GAS7: variants seen among roughly 807,000 people sequenced by gnomAD.
The protein encoded by GAS7 is growth arrest specific 7.
Under a neutral mutation model 71.1 loss-of-function variants are expected in GAS7, and 28 were observed. The observed-to-expected ratio is 0.39, with a 90% CI of 0.29 to 0.54. The LOEUF (loss-of-function observed/expected upper bound fraction) is 0.54, where lower values mean the gene tolerates loss of function less well. GAS7 is among the 20% of genes least tolerant of loss of function. The pLI, the probability that GAS7 is intolerant of heterozygous loss-of-function variation, is 0.62. For synonymous variants in GAS7, 258 were observed against 245.8 expected (o/e 1.05, Z -0.46); for missense variants, 436 against 627.8 (o/e 0.69, Z 3.27).
intron 1 of GAS7, among the ~76,000 whole-genome samples, chr17:10,023,758 C>A (rs1052134712): frequency 7.2e-5 from 11 of 152,240 alleles, no homozygotes; most frequent in Admixed American, 6.5e-4. Flanking sequence ...GTAATGGTTG[C>A]ACAATATCAT....
intron 1 of GAS7, among the ~76,000 whole-genome samples, chr17:10,040,144 T>C (rs1190260978): frequency 6.6e-6 from 1 of 152,132 alleles, no homozygotes; most frequent in Admixed American, 6.5e-5. Flanking sequence ...AAAAGGAAAA[T>C]TCTATGATCG....
chr17:10,047,341 A>G (rs2072992045), intron 1 of GAS7, among the ~76,000 whole-genome samples: 1 of 152,212 alleles, frequency 6.6e-6, no homozygotes, highest in Admixed American at 6.5e-5. Context: ...GCAAAGGCCA[A>G]TTCGAAAACA....
intron 1 of GAS7, among the ~76,000 whole-genome samples, chr17:10,139,803 G>A (rs534308459): frequency 2.6e-4 from 39 of 152,332 alleles, no homozygotes; most frequent in Non-Finnish European, 5.6e-4. Context: ...ACACATTGTT[G>A]CTGATCTGCT....
At chr17:10,128,628 T>A (rs1467675785) in intron 1 of GAS7, among the ~76,000 whole-genome samples, 1 of 151,294 alleles carries the variant, frequency 6.6e-6, no homozygotes, top group Non-Finnish European at 1.5e-5. Context: ...CTTTTTCTTT[T>A]CTCTTTTTTT....
chr17:9,947,401 TAGACATCTA>T (rs2068828132), intron 5 of GAS7, among the ~76,000 whole-genome samples: 1 of 152,132 alleles, frequency 6.6e-6, no homozygotes, highest in Non-Finnish European at 1.5e-5. Flanking sequence ...AAGTATGAGA[TAGACATCTA>T]TGGAAATCAG....
At chr17:10,036,507 A>G (rs2072755519) in intron 1 of GAS7, 22 of 1,611,954 alleles carry the variant, frequency 1.4e-5, no homozygotes, top group Non-Finnish European at 1.8e-5. Context: ...TGAAGCCCTC[A>G]GACTCAGCAC....
At chr17:10,015,367 G>A (rs2071951885) in intron 2 of GAS7, among the ~76,000 whole-genome samples, 1 of 152,124 alleles carries the variant, frequency 6.6e-6, no homozygotes, top group African/African-American at 2.4e-5. Context: ...AGAGAAGAAT[G>A]GCCTGCTTAG....
intron 3 of GAS7, among the ~76,000 whole-genome samples, chr17:9,980,643 T>C (rs2070378077): frequency 1.3e-5 from 2 of 152,132 alleles, no homozygotes; most frequent in Non-Finnish European, 2.9e-5. Flanking sequence ...GGTGGAGACA[T>C]TGGTGAATTA....
At chr17:10,049,754 G>A (rs898186527) in intron 1 of GAS7, among the ~76,000 whole-genome samples, 2 of 151,228 alleles carry the variant, frequency 1.3e-5, no homozygotes, top group African/African-American at 4.9e-5. Context: ...CCGAGTAGCT[G>A]GGACTACAGG....
chr17:10,122,364 C>T (rs1298580289), intron 1 of GAS7, among the ~76,000 whole-genome samples: 1 of 152,204 alleles, frequency 6.6e-6, no homozygotes, highest in Non-Finnish European at 1.5e-5. Context: ...ACACTGAGAT[C>T]GAGACCCAGA....
At chr17:10,014,054 A>T (rs943943919) in intron 2 of GAS7, among the ~76,000 whole-genome samples, 2 of 152,130 alleles carry the variant, frequency 1.3e-5, no homozygotes, top group Non-Finnish European at 2.9e-5. Context: ...TCTAAGTCAC[A>T]CCGTAGCCAT....
intron 1 of GAS7, among the ~76,000 whole-genome samples, chr17:10,179,992 T>C (rs1212304036): frequency 2.0e-5 from 3 of 152,026 alleles, no homozygotes. Flanking sequence ...AGGAAAACAA[T>C]TGTAACTTTC....
Position 10,067,926 on chromosome 17 carries a change from G to A in GAS7, c.184-48029C>T, listed in dbSNP as rs117223495. On this transcript the variant is annotated intron_variant, in intron 1 of 13. Coordinates refer to ENST00000432992, the MANE Select transcript of GAS7 (RefSeq NM_201433.2). ...TTCCTTAACCTTGACACTAACCACT[G>A]AGGTGTGGTCACTGTTACGTTTTGT... Among the ~76,000 whole-genome samples the A allele has an allele frequency of 1.2e-3, 187 of 152,302 alleles. 1 individual carries two copies. Among genetic ancestry groups the A allele is most frequent in the Non-Finnish European group, 2.1e-3 (140 of 68,020 alleles).
chr17:10,064,874 C>G (rs915063098), intron 1 of GAS7, among the ~76,000 whole-genome samples: 3 of 152,216 alleles, frequency 2.0e-5, no homozygotes, highest in African/African-American at 4.8e-5. Flanking sequence ...TGTCCCCAGG[C>G]TGAAGTACAG....
chr17:10,123,506 T>C (rs1285368006), intron 1 of GAS7, among the ~76,000 whole-genome samples: 1 of 152,242 alleles, frequency 6.6e-6, no homozygotes, highest in Non-Finnish European at 1.5e-5. Flanking sequence ...GCTGTTGATC[T>C]GACTCTCAGC....
intron 6 of GAS7, among the ~76,000 whole-genome samples, chr17:9,944,038 T>C (rs1344148394): frequency 6.6e-6 from 1 of 152,240 alleles, no homozygotes; most frequent in Non-Finnish European, 1.5e-5. Flanking sequence ...GATGGGCAAG[T>C]CAATGAAATA....
chr17:10,027,520 C>T (rs183357872), intron 1 of GAS7, among the ~76,000 whole-genome samples: 217 of 152,332 alleles, frequency 1.4e-3, no homozygotes, highest in Non-Finnish European at 2.5e-3. Context: ...CCCATGAGGG[C>T]GCCTCCTTCA....
chr17:10,044,040 A>C (rs2072911274), intron 1 of GAS7, among the ~76,000 whole-genome samples: 1 of 152,254 alleles, frequency 6.6e-6, no homozygotes, highest in Non-Finnish European at 1.5e-5. Flanking sequence ...GAAACCTTTG[A>C]AATGGTGGCA....
At chr17:10,138,008 G>A (rs1597813451) in intron 1 of GAS7, among the ~76,000 whole-genome samples, 1 of 151,774 alleles carries the variant, frequency 6.6e-6, no homozygotes, top group East Asian at 1.9e-4. Flanking sequence ...TGTTGCCCAG[G>A]CTGGAATGCA....
Sources: allele counts gnomAD v4.1 joint callset (sites outside exome capture counted in the v4.1 genomes callset), GRCh38; gene constraint gnomAD v4.1.1; transcripts MANE v1.5; gene names NCBI Gene and HGNC (gene_info 2026-07-23, HGNC 2026-07-21).